The following MALRD1 variants were observed in gnomAD, a reference collection of about 807,000 sequenced individuals.
MALRD1 encodes the protein MAM and LDL receptor class A domain containing 1, also known as MAM and LDL-receptor class A domain-containing protein 1.
In MALRD1, 247 loss-of-function variants were observed where a neutral mutation model predicts 242.1. The ratio of observed to expected loss-of-function variants is 1.02; its 90% CI spans 0.92 to 1.13. The LOEUF is 1.13. Ranked by LOEUF, MALRD1 falls within the 50% of genes most tolerant of loss-of-function variation. The pLI is 0.00. For synonymous variants in MALRD1, 995 were observed against 866.6 expected, an observed-to-expected ratio of 1.15 and a Z score of -2.60; for missense variants, 2,989 against 2,533.1, an observed-to-expected ratio of 1.18 and a Z score of -3.86.
At chr10:19,701,849 C>T (rs910661258) in intron 38 of MALRD1, among the ~76,000 whole-genome samples, 1 of 151,028 alleles carries the variant, frequency 6.6e-6, no homozygotes, top group African/African-American at 2.4e-5. Context: ...CTCCCTCCTC[C>T]CTTCTCTCTC....
chr10:19,380,612 T>A (rs889231602), intron 26 of MALRD1, among the ~76,000 whole-genome samples: 40 of 152,264 alleles, frequency 2.6e-4, no homozygotes, highest in African/African-American at 9.6e-4. Flanking sequence ...CCATAGAAGT[T>A]TAATGTCCAT....
At chr10:19,445,997 G>A (rs578167149) in intron 28 of MALRD1, among the ~76,000 whole-genome samples, 1 of 152,310 alleles carries the variant, frequency 6.6e-6, no homozygotes, top group South Asian at 2.1e-4. Context: ...CTCAGCGGTG[G>A]TGGATGCCCC....
rs1298428699 is a variant in MALRD1, at chr10:19,209,429, A to G, written c.2740A>G (p.Ile914Val). The change falls in exon 18 of 40, where the codon ATA (isoleucine) becomes GTA (valine). Residue 914 changes from isoleucine (I) to valine (V), a missense_variant. Ile to Val is a conservative substitution (Grantham distance 29). Transcript: ENST00000454679. Reference protein sequence around the residue: ...LGTAKGHYLYIESSEPQAFQD... With the variant: ...LGTAKGHYLYVESSEPQAFQD... ...CACAGCTAAAGGACACTATCTCTAC[A>G]TAGAATCTTCAGAGCCACAGGCTTT... The G allele has an allele frequency of 5.2e-6, 8 of 1,550,998 alleles. No homozygotes were observed. In the African/African-American group the frequency reaches 8.2e-5, roughly 16 times the overall value.
chr10:19,477,115 C>T (rs1002714526), intron 29 of MALRD1, among the ~76,000 whole-genome samples: 5 of 152,138 alleles, frequency 3.3e-5, no homozygotes, highest in Admixed American at 6.5e-5. Flanking sequence ...TACAAGAATA[C>T]GTTTTAACCT....
intron 29 of MALRD1, among the ~76,000 whole-genome samples, chr10:19,453,563 A>G (rs1835443220): frequency 6.6e-6 from 1 of 152,212 alleles, no homozygotes; most frequent in Admixed American, 6.5e-5. Context: ...TCTGGGCAAC[A>G]TAGTGAAACT....
chr10:19,177,080 C>G (rs929776198), intron 14 of MALRD1, among the ~76,000 whole-genome samples: 1 of 151,916 alleles, frequency 6.6e-6, no homozygotes, highest in African/African-American at 2.4e-5. Flanking sequence ...AGTTCAAGAC[C>G]TGCCTGGCCA....
At chr10:19,280,440 G>A (rs990638236) in intron 20 of MALRD1, among the ~76,000 whole-genome samples, 1 of 152,116 alleles carries the variant, frequency 6.6e-6, no homozygotes, top group Non-Finnish European at 1.5e-5. Context: ...TTAGATTAAC[G>A]TTTTGGATTC....
chr10:19,532,016 T>A (rs1466441172), intron 32 of MALRD1, among the ~76,000 whole-genome samples: 1 of 152,148 alleles, frequency 6.6e-6, no homozygotes, highest in Non-Finnish European at 1.5e-5. Context: ...ACAATTGGGA[T>A]TTTTGTCTTT....
intron 38 of MALRD1, among the ~76,000 whole-genome samples, chr10:19,713,477 G>C (rs1834238967): frequency 6.6e-6 from 1 of 152,210 alleles, no homozygotes; most frequent in Non-Finnish European, 1.5e-5. Flanking sequence ...ATCTTCAAGA[G>C]ACATGAATGT....
At chr10:19,706,388 T>C (rs1291716015) in intron 38 of MALRD1, among the ~76,000 whole-genome samples, 1 of 152,132 alleles carries the variant, frequency 6.6e-6, no homozygotes, top group Non-Finnish European at 1.5e-5. Context: ...AGTGAAGTGG[T>C]GTGATCTCAG....
intron 39 of MALRD1, among the ~76,000 whole-genome samples, chr10:19,733,700 C>T (rs978880449): frequency 1.3e-4 from 19 of 147,366 alleles, no homozygotes; most frequent in African/African-American, 2.0e-4. Flanking sequence ...GAATTTCCCA[C>T]GTTTTATATT....
chr10:19,375,047 T>G (rs1588984314), intron 26 of MALRD1, among the ~76,000 whole-genome samples: 1 of 152,096 alleles, frequency 6.6e-6, no homozygotes, highest in East Asian at 1.9e-4. Flanking sequence ...GGCCCTGCAC[T>G]TTTTCTAGAT....
intron 5 of MALRD1, among the ~76,000 whole-genome samples, chr10:19,112,634 G>A (rs1470863528): frequency 6.6e-6 from 1 of 152,130 alleles, no homozygotes; most frequent in African/African-American, 2.4e-5. Flanking sequence ...GCAGGAAGAA[G>A]GTAGAAATAA....
chr10:19,269,932 CTCTT>C (rs1840133390), intron 19 of MALRD1, among the ~76,000 whole-genome samples: 2 of 152,214 alleles, frequency 1.3e-5, no homozygotes, highest in Admixed American at 6.5e-5. Context: ...TCATCGGTCT[CTCTT>C]TCAAGTCATC....
At chr10:19,197,193 C>T (rs540901409) in intron 14 of MALRD1, among the ~76,000 whole-genome samples, 3 of 152,102 alleles carry the variant, frequency 2.0e-5, no homozygotes, top group Non-Finnish European at 4.4e-5. Flanking sequence ...TGGGGGAAAT[C>T]ACCCCCATGA....
intron 31 of MALRD1, among the ~76,000 whole-genome samples, chr10:19,499,206 A>ATTG (rs1279215236): frequency 2.0e-5 from 3 of 152,184 alleles, no homozygotes; most frequent in African/African-American, 7.2e-5. Context: ...ATAGACTCAA[A>ATTG]GTAGGAGTAA....
intron 1 of MALRD1, among the ~76,000 whole-genome samples, 173 bp downstream of exon 1, chr10:19,049,310 T>C (rs1834417213): frequency 6.6e-6 from 1 of 152,164 alleles, no homozygotes; most frequent in African/African-American, 2.4e-5. Context: ...GATGAGTCCA[T>C]ATAAAAAAAT....
At chr10:19,320,717 C>G (rs1842884725) in intron 21 of MALRD1, among the ~76,000 whole-genome samples, 1 of 152,134 alleles carries the variant, frequency 6.6e-6, no homozygotes, top group African/African-American at 2.4e-5. Flanking sequence ...TCCTATTTCT[C>G]CACATCCTCT....
intron 29 of MALRD1, chr10:19,488,743 CTTTA>C: frequency 4.9e-6 from 1 of 203,284 alleles, no homozygotes; most frequent in South Asian, 7.8e-5. Flanking sequence ...TTTTTAATGT[CTTTA>C]TTAGGGGGTT....
Sources: allele counts gnomAD v4.1 joint callset (sites outside exome capture counted in the v4.1 genomes callset), GRCh38; gene constraint gnomAD v4.1.1; transcripts MANE v1.5; gene names NCBI Gene and HGNC (gene_info 2026-07-23, HGNC 2026-07-21).